The following SPEG variants were observed in gnomAD, a reference collection of about 807,000 sequenced individuals.
SPEG encodes the protein striated muscle enriched protein kinase.
Under a neutral mutation model 300.4 loss-of-function variants are expected in SPEG, and 114 were observed. The ratio of observed to expected loss-of-function variants is 0.38; its 90% CI spans 0.33 to 0.44. The LOEUF is 0.44. Ranked by LOEUF, SPEG falls within the 20% of genes least tolerant of loss-of-function variation. The probability of loss-of-function intolerance (pLI) is 1.00; values close to 1 mark genes in which losing one functional copy is unlikely to be tolerated. For missense variants in SPEG, 4,201 were observed against 4,586.2 expected (o/e 0.92, Z 2.43); for synonymous variants, 1,964 against 2,018.9 (o/e 0.97, Z 0.73).
In SPEG at chr2:219,474,167, C is replaced by T. The variant is rs1575139041; in HGVS notation, c.4447+264C>T. On this transcript the variant is annotated intron_variant, in intron 18 of 40. Transcript: ENST00000312358. ...CCGACACAGGTGGATTACCTGAGGT[C>T]AGGAGTTCGTGACCAGCCTCGCCAA... 4 of 351,374 alleles carry T rather than the reference C, an allele frequency of 1.1e-5. 1 individual carries two copies. In the Admixed American group the frequency reaches 1.7e-4, roughly 15 times the overall value. 21.8% of individuals were successfully genotyped at this position (351,374 alleles called of 1,614,324 possible).
intron 1 of SPEG, chr2:219,442,050 CATG>C: frequency 8.4e-7 from 1 of 1,183,878 alleles, no homozygotes; most frequent in Non-Finnish European, 1.1e-6. Context: ...CCTCCCCCGC[CATG>C]AAGAAGCTGT....
chr2:219,493,416 T>C lies in SPEG; in HGVS notation c.*630T>C, dbSNP rs182372923. On this transcript the variant is annotated 3_prime_UTR_variant, in exon 41 of 41. Transcript: ENST00000312358. ...ACACTCGCTCTGTCCTCCTGTCCAG[T>C]GGATACAGCCCTGGGCGCTCTGCTG... The C allele has an allele frequency of 5.2e-6, 2 of 387,024 alleles. No individual in the cohort carries two copies. The highest frequency in any genetic ancestry group is 5.6e-5 in the Admixed American group (2 of 35,544). 24.0% of individuals were successfully genotyped at this position (387,024 alleles called of 1,614,324 possible). A position where few individuals can be genotyped will look rare whatever the true frequency, so the allele number is the denominator to read the frequency against.
chr2:219,446,579 C>T (rs868178842), intron 3 of SPEG, among the ~76,000 whole-genome samples: 1 of 152,298 alleles, frequency 6.6e-6, no homozygotes. Flanking sequence ...GTGGCTGACT[C>T]AGGTAGGCTA....
In SPEG at chr2:219,464,286, C is replaced by A; in HGVS notation, c.2706-147C>A. The A allele has an allele frequency of 1.1e-6, 1 of 876,316 alleles. No homozygotes were observed. Among genetic ancestry groups the A allele is most frequent in the Non-Finnish European group, 1.7e-6 (1 of 579,548 alleles). 54.3% of individuals were successfully genotyped at this position (876,316 alleles called of 1,614,324 possible). ...GGGGTAAAAACCTAGCCCTGGAAAC[C>A]AGGGATGCCCACGGTCAGTGGGACA... is the stretch of plus-strand genomic sequence containing the variant. On this transcript the variant is annotated intron_variant, in intron 8 of 40. Coordinates refer to ENST00000312358, the MANE Select transcript of SPEG (RefSeq NM_005876.5). This position sits in a 1 kb window ranked among gnomAD's most constrained non-coding sequence, Gnocchi z 4.5.
In SPEG at chr2:219,484,978, C is replaced by T; in HGVS notation, c.7515C>T (p.Gly2505=). The change falls in exon 30 of 41, where the codon GGC becomes GGT. Residue 2505 remains glycine (G), a synonymous_variant. Coordinates refer to ENST00000312358, the MANE Select transcript of SPEG (RefSeq NM_005876.5). Reference sequence around the variant, plus strand: ...AGGGCGAGAGTCTGCGGCGCCTTGGCCTTCCGCACAACCAGTTGGCCGCCC... The same window carrying T: ...AGGGCGAGAGTCTGCGGCGCCTTGGTCTTCCGCACAACCAGTTGGCCGCCC... ...TSEGESLRRL[G]LPHNQLAAQA... is the part of the protein sequence containing the mutation. The T allele has an allele frequency of 6.5e-7, 1 of 1,530,562 alleles. No homozygotes were observed. The highest frequency in any genetic ancestry group is 1.2e-5 in the South Asian group (1 of 83,784). The allele number at this position is 1,530,562 out of a possible 1,614,324, so 94.8% of individuals were successfully genotyped here. A position where few individuals can be genotyped will look rare whatever the true frequency, so the allele number is the denominator to read the frequency against.
intron 6 of SPEG, among the ~76,000 whole-genome samples, chr2:219,454,971 A>G (rs1390604774): frequency 1.3e-5 from 2 of 152,210 alleles, no homozygotes; most frequent in Non-Finnish European, 2.9e-5. Context: ...GCATATGCCT[A>G]TAATCCCAGC....
Position 219,484,659 on chromosome 2 carries a change from C to A in SPEG, c.7196C>A (p.Ala2399Asp). 1 of 1,531,670 alleles carries A rather than the reference C, an allele frequency of 6.5e-7. No homozygotes were observed. The highest frequency in any genetic ancestry group is 8.7e-7 in the Non-Finnish European group (1 of 1,145,124). 94.9% of individuals were successfully genotyped at this position (1,531,670 alleles called of 1,614,324 possible). Residue 2399 changes from alanine (A) to aspartate (D), a missense_variant, in exon 30 of 41, where the codon GCT (alanine) becomes GAT (aspartate). Ala to Asp is a moderately radical substitution (Grantham distance 126, BLOSUM62 -2). Around this residue, in one of 4 missense-constraint regions of SPEG, gnomAD observed 1,578 missense variants for 1,506.0 expected, o/e 1.05. Transcript: ENST00000312358. ...TCACGCTCGGTGCAGGACCTCAGGG[C>A]TGTCGGAGAGCCTGGCCTCGTCCGC... is the stretch of plus-strand genomic sequence containing the variant. ...ERSRSVQDLR[A>D]VGEPGLVRRL...
intron 10 of SPEG, among the ~76,000 whole-genome samples, chr2:219,468,308 G>A (rs991337847): frequency 1.3e-5 from 2 of 152,066 alleles, no homozygotes; most frequent in Non-Finnish European, 2.9e-5. Context: ...GGGGAGGAGG[G>A]GGGAGCTGGG....
chr2:219,466,102 G>C, intron 9 of SPEG: 1 of 1,592,822 alleles, frequency 6.3e-7, no homozygotes, highest in South Asian at 1.1e-5. Flanking sequence ...GCTACCCTCC[G>C]AGCCGCGCCC....
At position 219,473,452 on chromosome 2, in the gene SPEG, C is replaced by G; in HGVS notation, c.4148-52C>G. 1 of 1,574,388 alleles carries G rather than the reference C, an allele frequency of 6.4e-7. No individual in the cohort carries two copies. The highest frequency in any genetic ancestry group is 2.2e-5 in the East Asian group (1 of 44,552). ...AGGGGTGTTAGAGGAGTGGTGGGTG[C>G]TGAGGACCTGATGTCAAGCCCAGCA... On this transcript the variant is annotated intron_variant, in intron 16 of 40. Coordinates refer to ENST00000312358, the MANE Select transcript of SPEG (RefSeq NM_005876.5). This position sits in a 1 kb window ranked among gnomAD's most constrained non-coding sequence, Gnocchi z 4.6.
At chr2:219,465,071 G>A (rs1575109181) in intron 9 of SPEG, 1 of 159,382 alleles carries the variant, frequency 6.3e-6, no homozygotes, top group Non-Finnish European at 1.4e-5. Context: ...GGACCCGTTC[G>A]GAGGGGCCCT....
At position 219,448,922 on chromosome 2, in the gene SPEG, G is replaced by A; in HGVS notation, c.1764G>A (p.Gln588=). The A allele has an allele frequency of 6.8e-7, 1 of 1,480,524 alleles. No homozygotes were observed. The highest frequency in any genetic ancestry group is 8.9e-7 in the Non-Finnish European group (1 of 1,120,904). 91.7% of individuals were successfully genotyped at this position (1,480,524 alleles called of 1,614,324 possible). ...CAGAGCCGGGGGAAGGCCCGCAGCA[G>A]GAGGTTAGGCGTCGGGACCAATTCC... ...GRTEPGEGPQ[Q]EVRRRDQFPL... Residue 588 remains glutamine, a synonymous_variant, in exon 4 of 41, where the codon CAG becomes CAA. Transcript: ENST00000312358.
At chr2:219,461,650 T>C (rs1690707021) in intron 6 of SPEG, 2 of 853,818 alleles carry the variant, frequency 2.3e-6, no homozygotes, top group Non-Finnish European at 3.4e-6. Context: ...TGGTGTCCCC[T>C]CCTGGGAGGA....
chr2:219,492,155 C>A lies in SPEG; in HGVS notation c.9506C>A (p.Thr3169Lys). 1 of 1,613,694 alleles carries A rather than the reference C, an allele frequency of 6.2e-7. No homozygotes were observed. The highest frequency in any genetic ancestry group is 1.1e-5 in the South Asian group (1 of 91,082). The change falls in exon 40 of 41, where the codon ACG becomes AAG. Residue 3169 changes from threonine (T) to lysine (K), a missense_variant. Transcript: ENST00000312358. ...SPFYEPDPQE[T>K]EARIVGGRFD... Reference sequence around the variant, plus strand: ...TTCTATGAGCCAGACCCCCAGGAAACGGAGGCTCGGATTGTGGGGGGCCGC... The same window carrying A: ...TTCTATGAGCCAGACCCCCAGGAAAAGGAGGCTCGGATTGTGGGGGGCCGC...
In SPEG at chr2:219,480,977, A is replaced by T. The variant is rs1351796621; in HGVS notation, c.5369+280A>T. 1.3e-5 allele frequency among the ~76,000 whole-genome samples: 2 copies of T among 151,934 alleles called. No individual in the cohort carries two copies. The highest frequency in any genetic ancestry group is 2.4e-5 in the African/African-American group (1 of 41,324). ...TTGGCTCTGAGTGTCCAAAACTTGG[A>T]CTAGATGGGAGTGGAGCTCAGGGTG... On this transcript the variant is annotated intron_variant, in intron 26 of 40. Coordinates refer to ENST00000312358, the MANE Select transcript of SPEG (RefSeq NM_005876.5). The surrounding 1 kb of genome is among the most constrained non-coding windows in gnomAD (Gnocchi z 5.3).
intron 3 of SPEG, among the ~76,000 whole-genome samples, chr2:219,446,233 G>A (rs1689280840): frequency 6.6e-6 from 1 of 152,132 alleles, no homozygotes; most frequent in Admixed American, 6.5e-5. Context: ...CTGTGCCCTG[G>A]ACTTGCCTTT....
In SPEG at chr2:219,479,343, C is replaced by A. The variant is rs569790282; in HGVS notation, c.5085+142C>A. 411 of 674,136 alleles carry A rather than the reference C, an allele frequency of 6.1e-4. 3 individuals are homozygous for A. The African/African-American group carries it at 6.3e-3, about 10-fold the overall frequency. The allele number at this position is 674,136 out of a possible 1,614,324, so 41.8% of individuals were successfully genotyped here. A position where few individuals can be genotyped will look rare whatever the true frequency, so the allele number is the denominator to read the frequency against. ...GAGGTGGAGAGCACTGTTAGGTAGG[C>A]AGCAGAGTCCCCACCCAATGATACC... On this transcript the variant is annotated intron_variant, in intron 23 of 40. Transcript: ENST00000312358. This position sits in a 1 kb window ranked among gnomAD's most constrained non-coding sequence, Gnocchi z 5.5.
chr2:219,447,218 G>A (rs1689368090), intron 3 of SPEG, among the ~76,000 whole-genome samples: 2 of 151,654 alleles, frequency 1.3e-5, no homozygotes, highest in Non-Finnish European at 2.9e-5. Flanking sequence ...CCCTGTGGGG[G>A]GGGGCCTTCT....
Position 219,490,665 on chromosome 2 carries a change from G to C in SPEG, c.9161+17G>C. 1 of 1,609,054 alleles carries C rather than the reference G, an allele frequency of 6.2e-7. No individual in the cohort carries two copies. On this transcript the variant is annotated intron_variant, in intron 37 of 40. Coordinates refer to ENST00000312358, the MANE Select transcript of SPEG (RefSeq NM_005876.5). ...CAGTGACAGGTAGCTGGGAATTCTAGGGGAGTAGGGAGGAAGAGGTAGGGG... is the reference window on the plus strand; with the variant it reads ...CAGTGACAGGTAGCTGGGAATTCTACGGGAGTAGGGAGGAAGAGGTAGGGG...
Sources: allele counts gnomAD v4.1 joint callset (sites outside exome capture counted in the v4.1 genomes callset), GRCh38; gene constraint gnomAD v4.1.1; regional missense constraint gnomAD v4.1.1; non-coding constraint Gnocchi (gnomAD v3.1); transcripts MANE v1.5; gene names NCBI Gene and HGNC (gene_info 2026-07-23, HGNC 2026-07-21).